Variants in ARHGAP27 observed in about 807,000 individuals in gnomAD.
ARHGAP27 encodes rho GTPase-activating protein 27.
A neutral mutation model predicts 102.0 loss-of-function variants in ARHGAP27; 53 were observed. That is an observed-to-expected ratio of 0.52 (90% confidence interval 0.42 to 0.65). ARHGAP27 has a LOEUF of 0.65. ARHGAP27 is among the 30% of genes least tolerant of loss of function. The probability of loss-of-function intolerance (pLI) is 0.00; values close to 1 mark genes in which losing one functional copy is unlikely to be tolerated. For missense variants in ARHGAP27, 1,117 were observed against 1,256.2 expected, an observed-to-expected ratio of 0.89 and a Z score of 1.68; for synonymous variants, 525 against 542.8, an observed-to-expected ratio of 0.97 and a Z score of 0.46.
intron 4 of ARHGAP27, chr17:45,410,058 T>C (rs35389313): frequency 0.15 from 117,877 of 795,028 alleles, 10,377 homozygotes; most frequent in Middle Eastern, 0.21. Flanking sequence ...CCTGCCACTC[T>C]TGCCCCAAGC....
Position 45,396,093 on chromosome 17 carries a change from C to T in ARHGAP27, c.2276G>A (p.Gly759Glu). 1.2e-6 allele frequency: 2 copies of T among 1,613,340 alleles called. No homozygotes were observed. Among genetic ancestry groups the T allele is most frequent in the African/African-American group, 1.3e-5 (1 of 75,040 alleles). The stretch of plus-strand genomic sequence containing the variant: ...GATAACGTGGACGTCCTCCCAGCGC[C>T]CGTCATCCAGGTCAAGGCGCTCATC... ...DHDERLDLDD[G>E]RWEDVHVITG... Residue 759 changes from glycine (G) to glutamate (E), a missense_variant, in exon 18 of 20, where the codon GGG (glycine) becomes GAG (glutamate). Physicochemically the swap from Gly to Glu is moderately conservative, Grantham distance 98 (BLOSUM62 -2). Around this residue, in one of 3 missense-constraint regions of ARHGAP27, gnomAD observed 493 missense variants for 505.5 expected, o/e 0.98. Coordinates refer to ENST00000685559, the MANE Select transcript of ARHGAP27 (RefSeq NM_001282290.2).
intron 4 of ARHGAP27, among the ~76,000 whole-genome samples, chr17:45,423,683 C>T (rs1034361808): frequency 7.2e-5 from 11 of 152,276 alleles, no homozygotes; most frequent in African/African-American, 2.6e-4. Flanking sequence ...AGTAAGCTAC[C>T]TGAGGGCAGG....
chr17:45,416,650 G>C (rs2048489552), intron 4 of ARHGAP27, among the ~76,000 whole-genome samples: 1 of 150,944 alleles, frequency 6.6e-6, no homozygotes, highest in Non-Finnish European at 1.5e-5. Context: ...CCAGGTTCAA[G>C]CAATTCTCTG....
rs145542476 is a variant in ARHGAP27 at position 45,422,293 on chromosome 17, T to A, written c.657+7330A>T. Among the ~76,000 whole-genome samples the A allele has an allele frequency of 4.5e-3, 672 of 149,092 alleles. 3 individuals carry two copies. Among genetic ancestry groups the A allele is most frequent in the African/African-American group, 0.016 (634 of 40,682 alleles). On this transcript the variant is annotated intron_variant, in intron 4 of 19. Coordinates refer to ENST00000685559, the MANE Select transcript of ARHGAP27 (RefSeq NM_001282290.2). ...GCTGGGCATGGTGGCACGTGGGCCATGTGGTCCCACGTTCTCAAGGTGCTG... is the reference window on the plus strand; with the variant it reads ...GCTGGGCATGGTGGCACGTGGGCCAAGTGGTCCCACGTTCTCAAGGTGCTG...
At chr17:45,413,971 T>C (rs1325649893) in intron 4 of ARHGAP27, among the ~76,000 whole-genome samples, 3 of 152,130 alleles carry the variant, frequency 2.0e-5, no homozygotes, top group African/African-American at 4.8e-5. Context: ...CTGGGCGTGG[T>C]GGCGTGCGCC....
At chr17:45,396,347 C>T in intron 16 of ARHGAP27, 63 bp from the exon 17 acceptor site, 2 of 1,517,250 alleles carry the variant, frequency 1.3e-6, no homozygotes, top group Non-Finnish European at 1.8e-6. Context: ...GCTACGGGTC[C>T]CTGCTATGAC....
chr17:45,396,987 CTGCT>C lies in ARHGAP27; in HGVS notation c.1876_1879del (p.Ser626GlufsTer38). On this transcript the variant is annotated frameshift_variant, in exon 14 of 20. Transcript: ENST00000685559. LOFTEE classifies it high-confidence loss of function. ...GCGCTCGCTCGACCCGAAGTCCACTCTGCTGCTCTCGCTCTCCTCTGGGGGCAGC... is the reference window on the plus strand; with the variant it reads ...GCGCTCGCTCGACCCGAAGTCCACTCGCTCTCGCTCTCCTCTGGGGGCAGC... The C allele has an allele frequency of 6.2e-7, 1 of 1,604,922 alleles. No individual in the cohort carries two copies. The highest frequency in any genetic ancestry group is 1.7e-5 in the Admixed American group (1 of 60,026).
rs544872231 is a variant in ARHGAP27, at chr17:45,404,854, G to A, written c.1248+70C>T. The A allele has an allele frequency of 3.3e-5, 53 of 1,605,442 alleles. No individual in the cohort carries two copies. The South Asian group carries it at 5.3e-4, about 16-fold the overall frequency. On this transcript the variant is annotated intron_variant, in intron 6 of 19. Transcript: ENST00000685559. ...GAGCTGCGGTTTAGAGCACTGAGGC[G>A]ACCTATTAGTGAGGAAGGTTGTGGG...
At position 45,429,713 on chromosome 17, in the gene ARHGAP27, G is replaced by A; in HGVS notation, c.567C>T (p.Cys189=). 1.9e-6 allele frequency: 3 copies of A among 1,550,072 alleles called. No homozygotes were observed. In the East Asian group the frequency reaches 7.3e-5, roughly 38 times the overall value. ...KACSVAGSWV[C]PRPLARSDSE... ...AGTCGCTGCGCGCCAGAGGCCGCGG[G>A]CACACCCAGGAGCCCGCCACGCTGC... Residue 189 remains cysteine, a synonymous_variant, in exon 4 of 20, where the codon TGC becomes TGT. Coordinates refer to ENST00000685559, the MANE Select transcript of ARHGAP27 (RefSeq NM_001282290.2).
intron 12 of ARHGAP27, among the ~76,000 whole-genome samples, chr17:45,400,230 C>A (rs145635971): frequency 3.9e-5 from 6 of 152,184 alleles, no homozygotes; most frequent in Admixed American, 3.3e-4. Context: ...CAGCTTTTGG[C>A]GGACTGTTGC....
chr17:45,429,715 A>G lies in ARHGAP27; in HGVS notation c.565T>C (p.Cys189Arg). 1 of 1,549,440 alleles carries G rather than the reference A, an allele frequency of 6.5e-7. No homozygotes were observed. ...KACSVAGSWV[C>R]PRPLARSDSE... The stretch of plus-strand genomic sequence containing the variant: ...TCGCTGCGCGCCAGAGGCCGCGGGC[A>G]CACCCAGGAGCCCGCCACGCTGCAG... The change falls in exon 4 of 20, where the codon TGC becomes CGC. Residue 189 changes from cysteine (C) to arginine (R), a missense_variant. By Grantham distance (180) the Cys-to-Arg change is radical. This residue lies in a region of ARHGAP27 where 610 missense variants were observed against 716.4 expected (regional missense o/e 0.85). Coordinates refer to ENST00000685559, the MANE Select transcript of ARHGAP27 (RefSeq NM_001282290.2).
At position 45,405,216 on chromosome 17, in the gene ARHGAP27, G is replaced by C. The variant is rs138439951; in HGVS notation, c.1066-110C>G. The stretch of plus-strand genomic sequence containing the variant: ...TTGCCTTCTGGTCCCTGAGGCTGTG[G>C]GAGCAGGAGGCGGGGTCAGAAGCGC... On this transcript the variant is annotated intron_variant, in intron 5 of 19. Transcript: ENST00000685559. The C allele has an allele frequency of 3.8e-3, 4,735 of 1,236,602 alleles. 11 individuals carry two copies. The highest frequency in any genetic ancestry group is 4.8e-3 in the Admixed American group (170 of 35,666). 76.6% of individuals were successfully genotyped at this position (1,236,602 alleles called of 1,614,324 possible).
At chr17:45,414,186 G>GA (rs2048210723) in intron 4 of ARHGAP27, among the ~76,000 whole-genome samples, 1 of 151,812 alleles carries the variant, frequency 6.6e-6, no homozygotes, top group Non-Finnish European at 1.5e-5. Flanking sequence ...AGGGAGGTGG[G>GA]AAAATGAGAC....
chr17:45,419,512 GTATATATATATATATATATATATA>G lies in ARHGAP27; in HGVS notation c.657+10087_657+10110del, dbSNP rs71136087. Among the ~76,000 whole-genome samples, 213 of 119,762 alleles carry G rather than the reference GTATATATATATATATATATATATA, an allele frequency of 1.8e-3. 1 individual carries two copies. The highest frequency in any genetic ancestry group is 6.0e-3 in the African/African-American group (176 of 29,108). 78.6% of individuals were successfully genotyped at this position (119,762 alleles called of 152,430 possible). A position where few individuals can be genotyped will look rare whatever the true frequency, so the allele number is the denominator to read the frequency against. On this transcript the variant is annotated intron_variant, in intron 4 of 19. Coordinates refer to ENST00000685559, the MANE Select transcript of ARHGAP27 (RefSeq NM_001282290.2). ...TATATATAAAAGACTTATGCTGTAT[GTATATATATATATATATATATATA>G]TATATATATATATATATATATGACT... is the stretch of plus-strand genomic sequence containing the variant.
chr17:45,396,602 T>G lies in ARHGAP27; in HGVS notation c.2075-17A>C. On this transcript the variant is annotated splice_polypyrimidine_tract_variant and intron_variant, in intron 15 of 19. Coordinates refer to ENST00000685559, the MANE Select transcript of ARHGAP27 (RefSeq NM_001282290.2). ...ACACCTGGTCTAGGGCAGAGGCTCA[T>G]CAGCTCCTGCCCAGCCTGCGCCCCG... 6.2e-7 allele frequency: 1 copy of G among 1,609,962 alleles called. No homozygotes were observed. The highest frequency in any genetic ancestry group is 1.1e-5 in the South Asian group (1 of 90,902).
chr17:45,397,924 C>T (rs200137454), intron 13 of ARHGAP27, 25 bp downstream of exon 13: 34 of 1,580,030 alleles, frequency 2.2e-5, no homozygotes, highest in Non-Finnish European at 2.9e-5. Context: ...CCCCACTGCC[C>T]CTAGAGGCCC....
intron 12 of ARHGAP27, among the ~76,000 whole-genome samples, chr17:45,402,196 G>C (rs1259310558): frequency 2.6e-5 from 4 of 152,146 alleles, no homozygotes; most frequent in Non-Finnish European, 5.9e-5. Context: ...TGGGGAGAAA[G>C]AGGTTTCCCA....
At chr17:45,431,853 C>T in intron 2 of ARHGAP27, 101 bp from the exon 3 acceptor site, 1 of 175,674 alleles carries the variant, frequency 5.7e-6, no homozygotes, top group South Asian at 8.8e-5. Context: ...CTGAATGCCT[C>T]TGCTGGGGAC....
chr17:45,418,036 C>CA (rs781066887), intron 4 of ARHGAP27, among the ~76,000 whole-genome samples: 333 of 82,990 alleles, frequency 4.0e-3, no homozygotes, highest in African/African-American at 9.8e-3. Context: ...GACTCTGTCT[C>CA]AAAAAAAAAA....
Sources: allele counts gnomAD v4.1 joint callset (sites outside exome capture counted in the v4.1 genomes callset), GRCh38; gene constraint gnomAD v4.1.1; regional missense constraint gnomAD v4.1.1; transcripts MANE v1.5; gene names NCBI Gene and HGNC (gene_info 2026-07-23, HGNC 2026-07-21).